Variants in UST observed in about 807,000 individuals in gnomAD.
UST encodes the protein chondroitin sulfate 2-O-sulfotransferase.
Under a neutral mutation model 45.6 loss-of-function variants are expected in UST, and 21 were observed. The observed-to-expected ratio is 0.46, with a 90% CI of 0.33 to 0.66. The LOEUF (loss-of-function observed/expected upper bound fraction) is 0.66, where lower values mean the gene tolerates loss of function less well. Ranked by LOEUF, UST falls within the 30% of genes least tolerant of loss-of-function variation. The probability of loss-of-function intolerance (pLI) is 0.02; values close to 1 mark genes in which losing one functional copy is unlikely to be tolerated. For synonymous variants in UST, 215 were observed against 200.6 expected (o/e 1.07, Z -0.61); for missense variants, 463 against 512.4 (o/e 0.90, Z 0.93).
chr6:148,763,672 T>C (rs1211787031), intron 1 of UST, among the ~76,000 whole-genome samples: 1 of 152,220 alleles, frequency 6.6e-6, no homozygotes, highest in African/African-American at 2.4e-5. Flanking sequence ...GTTAACTTTT[T>C]ATATGGTAAG....
chr6:148,756,481 C>T (rs962653258), intron 1 of UST, among the ~76,000 whole-genome samples: 2 of 152,182 alleles, frequency 1.3e-5, no homozygotes, highest in African/African-American at 2.4e-5. Flanking sequence ...CTTGAAGCTA[C>T]GCCATACCTC....
At chr6:148,752,324 T>C (rs1392002350) in intron 1 of UST, among the ~76,000 whole-genome samples, 2 of 152,250 alleles carry the variant, frequency 1.3e-5, no homozygotes, top group Non-Finnish European at 1.5e-5. Flanking sequence ...TATAATACTT[T>C]AGGCTCCAAA....
At chr6:148,832,028 C>T (rs2114759980) in intron 1 of UST, among the ~76,000 whole-genome samples, 2 of 152,284 alleles carry the variant, frequency 1.3e-5, no homozygotes, top group Middle Eastern at 6.8e-3. Context: ...CAATCTCTCT[C>T]TATTGCCCAG....
intron 1 of UST, among the ~76,000 whole-genome samples, chr6:148,841,597 TCTG>T (rs1176329006): frequency 2.6e-5 from 4 of 151,492 alleles, no homozygotes; most frequent in African/African-American, 9.7e-5. Flanking sequence ...GTTTTTTTTT[TCTG>T]TCATGTGTTT....
At chr6:148,789,989 C>CTTTT (rs56987468) in intron 1 of UST, among the ~76,000 whole-genome samples, 2 of 127,032 alleles carry the variant, frequency 1.6e-5, no homozygotes, top group African/African-American at 5.8e-5. Context: ...TTTCAGGATT[C>CTTTT]TTTTTTTTTT....
chr6:148,860,979 C>A (rs145963515), intron 1 of UST, among the ~76,000 whole-genome samples: 10 of 152,042 alleles, frequency 6.6e-5, no homozygotes, highest in African/African-American at 2.4e-4. Context: ...TGTCTCTGCC[C>A]GGCTTTGGTA....
chr6:148,846,364 G>A (rs968104498), intron 1 of UST, among the ~76,000 whole-genome samples: 5 of 151,778 alleles, frequency 3.3e-5, no homozygotes, highest in African/African-American at 1.2e-4. Context: ...ACCAAACACT[G>A]CATGTTCTCA....
chr6:148,873,967 C>T lies in UST; in HGVS notation c.248-13019C>T, dbSNP rs888575564. 5.3e-5 allele frequency among the ~76,000 whole-genome samples: 8 copies of T among 152,254 alleles called. No individual in the cohort carries two copies. The South Asian group carries it at 6.2e-4, about 12-fold the overall frequency. On this transcript the variant is annotated intron_variant, in intron 1 of 7. Transcript: ENST00000367463. ...TAAGCACATGATGGAAAGTGTCAAT[C>T]GTTGTGGCAGCCACATGACATCTAG...
At position 148,855,613 on chromosome 6, in the gene UST, T is replaced by C. The variant is rs181098596; in HGVS notation, c.248-31373T>C. 2.0e-5 allele frequency among the ~76,000 whole-genome samples: 3 copies of C among 152,074 alleles called. No individual in the cohort carries two copies. In the East Asian group the frequency reaches 5.8e-4, roughly 29 times the overall value. ...AGAGTAAAAAAGGATCCAAGGAAGG[T>C]GGGGATGAGTTTCTGGAAGTGGTTT... is the stretch of plus-strand genomic sequence containing the variant. On this transcript the variant is annotated intron_variant, in intron 1 of 7. Transcript: ENST00000367463.
At position 148,934,847 on chromosome 6, in the gene UST, T is replaced by G. The variant is rs563198039; in HGVS notation, c.292-6432T>G. Among the ~76,000 whole-genome samples, 18 of 152,222 alleles carry G rather than the reference T, an allele frequency of 1.2e-4. No homozygotes were observed. The highest frequency in any genetic ancestry group is 3.3e-4 in the Admixed American group (5 of 15,282). ...AGTGTGGCCCAGAAATCTGCATTTT[T>G]AAAAGTTCTGTGAGGAATTTGAATA... is the stretch of plus-strand genomic sequence containing the variant. On this transcript the variant is annotated intron_variant, in intron 2 of 7. Transcript: ENST00000367463. The surrounding 1 kb of genome is among the most constrained non-coding windows in gnomAD (Gnocchi z 4.1).
At chr6:148,813,057 C>T (rs1777288398) in intron 1 of UST, among the ~76,000 whole-genome samples, 1 of 152,184 alleles carries the variant, frequency 6.6e-6, no homozygotes, top group South Asian at 2.1e-4. Context: ...TATATACACA[C>T]ATGTATGTAC....
At chr6:148,842,242 C>T (rs947102780) in intron 1 of UST, among the ~76,000 whole-genome samples, 5 of 152,182 alleles carry the variant, frequency 3.3e-5, no homozygotes, top group African/African-American at 1.2e-4. Flanking sequence ...GTCTTAATTA[C>T]TTTCCAGGAA....
At chr6:148,958,796 C>T (rs763624927) in intron 4 of UST, among the ~76,000 whole-genome samples, 3 of 152,108 alleles carry the variant, frequency 2.0e-5, no homozygotes, top group Non-Finnish European at 2.9e-5. Context: ...CTACAATGCC[C>T]CTCACCCTTC....
At chr6:148,917,455 C>G (rs763060867) in intron 2 of UST, among the ~76,000 whole-genome samples, 3 of 152,238 alleles carry the variant, frequency 2.0e-5, no homozygotes, top group Non-Finnish European at 4.4e-5. Flanking sequence ...CCCCATGAGT[C>G]TTAAAAGCGG....
chr6:149,026,902 A>G (rs1212804089), intron 7 of UST, among the ~76,000 whole-genome samples: 1 of 152,218 alleles, frequency 6.6e-6, no homozygotes, highest in Non-Finnish European at 1.5e-5. Context: ...CTGCCTTAAG[A>G]ATATGGTCAC....
chr6:149,045,790 A>G (rs141169636), intron 7 of UST, among the ~76,000 whole-genome samples: 1 of 152,254 alleles, frequency 6.6e-6, no homozygotes, highest in East Asian at 1.9e-4. Context: ...TTAATCATCT[A>G]TGTAGGATTT....
intron 7 of UST, among the ~76,000 whole-genome samples, chr6:149,072,238 A>G (rs1177234704): frequency 1.3e-5 from 2 of 152,264 alleles, no homozygotes; most frequent in Non-Finnish European, 2.9e-5. Context: ...CTCAGATACT[A>G]GAATGCAAAT....
Position 148,748,403 on chromosome 6 carries a change from G to GTGTA in UST, c.247+729_247+730insATGT, listed in dbSNP as rs1775920684. Among the ~76,000 whole-genome samples, 1 of 19,200 alleles carries GTGTA rather than the reference G, an allele frequency of 5.2e-5. No individual in the cohort carries two copies. Among genetic ancestry groups the GTGTA allele is most frequent in the African/African-American group, 2.4e-4 (1 of 4,166 alleles). 12.6% of individuals were successfully genotyped at this position (19,200 alleles called of 152,430 possible). On this transcript the variant is annotated intron_variant, in intron 1 of 7. Transcript: ENST00000367463. This position sits in a 1 kb window ranked among gnomAD's most constrained non-coding sequence, Gnocchi z 5.3. Reference sequence around the variant, plus strand: ...GTCTCAAGCTCAAGTCAAAACTTGTGTGTGTGTGTGTGTGTGTGTGTGTGT... The same window carrying GTGTA: ...GTCTCAAGCTCAAGTCAAAACTTGTGTGTATGTGTGTGTGTGTGTGTGTGTGTGT...
intron 2 of UST, among the ~76,000 whole-genome samples, chr6:148,938,284 G>A (rs1397829740): frequency 6.6e-6 from 1 of 152,100 alleles, no homozygotes; most frequent in Non-Finnish European, 1.5e-5. Context: ...GCACATTCTA[G>A]GCACTGTGAG....
Sources: allele counts gnomAD v4.1 joint callset (sites outside exome capture counted in the v4.1 genomes callset), GRCh38; gene constraint gnomAD v4.1.1; non-coding constraint Gnocchi (gnomAD v3.1); transcripts MANE v1.5; gene names NCBI Gene and HGNC (gene_info 2026-07-23, HGNC 2026-07-21).